The following PDIA6 variants were observed in gnomAD, a reference collection of about 807,000 sequenced individuals.
PDIA6 encodes protein disulfide-isomerase A6.
In PDIA6, 29 loss-of-function variants were observed where a neutral mutation model predicts 58.4. The observed-to-expected ratio is 0.50, with a 90% CI of 0.37 to 0.68. PDIA6 has a LOEUF of 0.68. PDIA6 is among the 30% of genes least tolerant of loss of function. The pLI, the probability that PDIA6 is intolerant of heterozygous loss-of-function variation, is 0.00. For missense variants in PDIA6, 480 were observed against 551.0 expected (o/e 0.87, Z 1.29); for synonymous variants, 192 against 202.6 (o/e 0.95, Z 0.44).
rs1572659929 is a variant in PDIA6 at position 10,793,293 on chromosome 2, TCG to T, written c.347-93_347-92del. 202 of 810,158 alleles carry T rather than the reference TCG, an allele frequency of 2.5e-4. 1 individual carries two copies. The East Asian group carries it at 5.0e-3, about 20-fold the overall frequency. The allele number at this position is 810,158 out of a possible 1,614,324, so 50.2% of individuals were successfully genotyped here. A position where few individuals can be genotyped will look rare whatever the true frequency, so the allele number is the denominator to read the frequency against. On this transcript the variant is annotated intron_variant, in intron 4 of 12. Transcript: ENST00000272227. ...CCAAGACTGTGTCTTTACCTCACTGTCGGCTTCACCAGGTGTGACACAGTTCT... is the reference window on the plus strand; with the variant it reads ...CCAAGACTGTGTCTTTACCTCACTGTGCTTCACCAGGTGTGACACAGTTCT...
chr2:10,807,046 A>G (rs570176077), intron 1 of PDIA6, among the ~76,000 whole-genome samples: 1 of 152,348 alleles, frequency 6.6e-6, no homozygotes, highest in South Asian at 2.1e-4. Flanking sequence ...GAAGTTGATC[A>G]TAATTCAGAT....
At chr2:10,825,719 T>C (rs1403794180) in intron 1 of PDIA6, among the ~76,000 whole-genome samples, 1 of 152,104 alleles carries the variant, frequency 6.6e-6, no homozygotes, top group Non-Finnish European at 1.5e-5. Context: ...ATAAAGCACA[T>C]GAAAAGATGC....
At chr2:10,808,591 G>T (rs187662617) in intron 1 of PDIA6, among the ~76,000 whole-genome samples, 1 of 152,090 alleles carries the variant, frequency 6.6e-6, no homozygotes, top group Non-Finnish European at 1.5e-5. Flanking sequence ...GAAGAGGAGC[G>T]GGAACCCAGT....
intron 2 of PDIA6, among the ~76,000 whole-genome samples, chr2:10,799,934 A>C (rs1351769953): frequency 6.6e-6 from 1 of 152,018 alleles, no homozygotes; most frequent in African/African-American, 2.4e-5. Flanking sequence ...AAAAGAATAA[A>C]TCTGAAGCCA....
intron 11 of PDIA6, among the ~76,000 whole-genome samples, chr2:10,785,525 C>T (rs1407685535): frequency 6.6e-6 from 1 of 151,896 alleles, no homozygotes; most frequent in African/African-American, 2.4e-5. Flanking sequence ...GAAACCAGAG[C>T]CAGAAATACT....
chr2:10,833,546 G>A (rs906946708), upstream of PDIA6, among the ~76,000 whole-genome samples: 1 of 152,190 alleles, frequency 6.6e-6, no homozygotes, highest in Non-Finnish European at 1.5e-5. Flanking sequence ...ACTTCTGCCA[G>A]GTAGAGGCGG....
chr2:10,815,264 A>G (rs1667157192), upstream of PDIA6, among the ~76,000 whole-genome samples: 1 of 152,206 alleles, frequency 6.6e-6, no homozygotes, highest in Non-Finnish European at 1.5e-5. Context: ...AACCAAATGC[A>G]CATTAACAAC....
At chr2:10,788,606 C>A in intron 10 of PDIA6, 91 bp downstream of exon 10, 4 of 851,738 alleles carry the variant, frequency 4.7e-6, no homozygotes, top group Non-Finnish European at 8.0e-6. Context: ...AAACATAGAA[C>A]ACAGCTTACA....
intron 1 of PDIA6, among the ~76,000 whole-genome samples, chr2:10,812,192 G>A (rs1667024685): frequency 6.6e-6 from 1 of 152,176 alleles, no homozygotes. Flanking sequence ...TTACAGGTGT[G>A]AGCCACCGCG....
chr2:10,809,468 G>C (rs1666903722), intron 1 of PDIA6, among the ~76,000 whole-genome samples: 1 of 151,932 alleles, frequency 6.6e-6, no homozygotes. Context: ...CCTGAGCCAG[G>C]AGTTTGAGAC....
upstream of PDIA6, among the ~76,000 whole-genome samples, chr2:10,816,836 G>T (rs957207963): frequency 2.0e-5 from 3 of 152,202 alleles, no homozygotes; most frequent in Non-Finnish European, 4.4e-5. Context: ...GGGGCGGAGG[G>T]TGGAGGCGAT....
At chr2:10,790,235 G>GT (rs1491046394) in intron 7 of PDIA6, among the ~76,000 whole-genome samples, 7 of 152,102 alleles carry the variant, frequency 4.6e-5, no homozygotes, top group African/African-American at 1.7e-4. Context: ...GCCTCCCAAA[G>GT]TGTTGGGATT....
At chr2:10,816,077 C>CTTTTTTT (rs57404091), upstream of PDIA6, among the ~76,000 whole-genome samples, 375 of 96,440 alleles carry the variant, frequency 3.9e-3, 14 homozygotes, top group Middle Eastern at 0.018. Flanking sequence ...AATCATTTGT[C>CTTTTTTT]TTTTTTTTTT....
intron 1 of PDIA6, among the ~76,000 whole-genome samples, chr2:10,804,047 T>C (rs1163625152): frequency 2.6e-5 from 4 of 151,546 alleles, no homozygotes; most frequent in African/African-American, 4.8e-5. Context: ...TAACCGGGAC[T>C]ACAGGCGCCT....
intron 1 of PDIA6, among the ~76,000 whole-genome samples, chr2:10,831,540 G>T (rs1667710555): frequency 6.6e-6 from 1 of 152,186 alleles, no homozygotes; most frequent in African/African-American, 2.4e-5. Context: ...CCTCTGGGTA[G>T]CCTGAATGGG....
intron 1 of PDIA6, among the ~76,000 whole-genome samples, chr2:10,819,567 T>C (rs1289379085): frequency 6.6e-6 from 1 of 152,236 alleles, no homozygotes; most frequent in Non-Finnish European, 1.5e-5. Context: ...AGAGTAAGAA[T>C]GGAACATCCT....
At chr2:10,821,744 G>T (rs576383559) in intron 1 of PDIA6, among the ~76,000 whole-genome samples, 2 of 151,228 alleles carry the variant, frequency 1.3e-5, no homozygotes, top group South Asian at 4.2e-4. Context: ...CCTGCCTCAG[G>T]CTCCCAAGTA....
upstream of PDIA6, among the ~76,000 whole-genome samples, chr2:10,816,077 CTTT>C (rs57404091): frequency 5.8e-4 from 56 of 96,470 alleles, no homozygotes; most frequent in South Asian, 2.1e-3. Flanking sequence ...AATCATTTGT[CTTT>C]TTTTTTTTTT....
chr2:10,814,653 T>A (rs940245097), upstream of PDIA6, among the ~76,000 whole-genome samples: 1 of 152,230 alleles, frequency 6.6e-6, no homozygotes, highest in Non-Finnish European at 1.5e-5. Context: ...AAAGTCATGC[T>A]TTTCCTCCCT....
Sources: allele counts gnomAD v4.1 joint callset (sites outside exome capture counted in the v4.1 genomes callset), GRCh38; gene constraint gnomAD v4.1.1; transcripts MANE v1.5; gene names NCBI Gene and HGNC (gene_info 2026-07-23, HGNC 2026-07-21).